DPYD: variants seen among roughly 807,000 people sequenced by gnomAD.
DPYD encodes dihydropyrimidine dehydrogenase.
A neutral mutation model predicts 116.2 loss-of-function variants in DPYD; 109 were observed. The observed-to-expected ratio is 0.94, with a 90% confidence interval of 0.80 to 1.10. The LOEUF (loss-of-function observed/expected upper bound fraction) is 1.10. DPYD is among the 50% of genes least tolerant of loss of function. DPYD has a pLI of 0.00. For synonymous variants in DPYD, 440 were observed against 432.0 expected (o/e 1.02, Z -0.23); for missense variants, 1,302 against 1,254.5 (o/e 1.04, Z -0.57).
chr1:97,748,379 C>A (rs1370402502), intron 3 of DPYD, among the ~76,000 whole-genome samples: 2 of 152,056 alleles, frequency 1.3e-5, no homozygotes, highest in Admixed American at 6.5e-5. Flanking sequence ...GAGGCCACGG[C>A]GGGCGGATCA....
intron 10 of DPYD, among the ~76,000 whole-genome samples, chr1:97,586,471 T>C (rs1317329494): frequency 0.03 from 247 of 8,228 alleles, no homozygotes; most frequent in Middle Eastern, 0.045. Context: ...CATACATATA[T>C]ATATATATAT....
chr1:97,699,566 T>C lies in DPYD; in HGVS notation c.484-19A>G. On this transcript the variant is annotated intron_variant, in intron 5 of 22. Transcript: ENST00000370192. ...TGAATACCTACGGGGAAATCAATTG[T>C]CATGGTTAAAATTTTGAAACTAGCT... The C allele has an allele frequency of 6.2e-7, 1 of 1,612,340 alleles. No homozygotes were observed. The highest frequency in any genetic ancestry group is 1.1e-5 in the South Asian group (1 of 90,988).
chr1:97,520,145 T>C (rs534672456), intron 12 of DPYD, among the ~76,000 whole-genome samples: 1 of 152,232 alleles, frequency 6.6e-6, no homozygotes, highest in South Asian at 2.1e-4. Flanking sequence ...TTTTCATTCA[T>C]TTACTTATTC....
At position 97,721,515 on chromosome 1, in the gene DPYD, T is replaced by C; in HGVS notation, c.478A>G (p.Thr160Ala). The C allele has an allele frequency of 6.2e-7, 1 of 1,611,156 alleles. No homozygotes were observed. The highest frequency in any genetic ancestry group is 8.5e-7 in the Non-Finnish European group (1 of 1,177,994). Reference protein sequence around the residue: ...INIGGLQQFATEVFKAMSIPQ... With the variant: ...INIGGLQQFAAEVFKAMSIPQ... ...CACGTGTATATCATACATACCTCAGTAGCAAATTGCTGCAATCCACCAATA... is the reference window on the plus strand; with the variant it reads ...CACGTGTATATCATACATACCTCAGCAGCAAATTGCTGCAATCCACCAATA... The change falls in exon 5 of 23, where the codon ACT becomes GCT. Residue 160 changes from threonine to alanine, a missense_variant. Coordinates refer to ENST00000370192, the MANE Select transcript of DPYD (RefSeq NM_000110.4).
intron 3 of DPYD, among the ~76,000 whole-genome samples, chr1:97,743,747 G>A (rs192465611): frequency 1.8e-4 from 27 of 152,114 alleles, no homozygotes; most frequent in African/African-American, 5.5e-4. Context: ...AACAATTATC[G>A]TAAACCACAG....
chr1:97,186,464 C>T (rs994529807), intron 20 of DPYD, among the ~76,000 whole-genome samples: 1 of 152,182 alleles, frequency 6.6e-6, no homozygotes, highest in East Asian at 1.9e-4. Flanking sequence ...TTATTCCACA[C>T]TCTATGTGCA....
chr1:97,819,235 T>C (rs576863985), intron 3 of DPYD, among the ~76,000 whole-genome samples: 58 of 151,884 alleles, frequency 3.8e-4, no homozygotes, highest in African/African-American at 1.4e-3. Context: ...TCTCTGCTGA[T>C]TTGGGGAGTA....
chr1:97,557,467 C>T (rs1651830819), intron 11 of DPYD, among the ~76,000 whole-genome samples: 3 of 151,900 alleles, frequency 2.0e-5, no homozygotes, highest in Non-Finnish European at 4.4e-5. Flanking sequence ...AGGCGCTTGT[C>T]ACCACGCACA....
chr1:97,199,389 T>C (rs979228031), intron 19 of DPYD, among the ~76,000 whole-genome samples: 1 of 152,006 alleles, frequency 6.6e-6, no homozygotes, highest in African/African-American at 2.4e-5. Context: ...TCATGAGCAT[T>C]TTTTTCACTT....
At chr1:97,414,690 T>A (rs1283232728) in intron 14 of DPYD, among the ~76,000 whole-genome samples, 1 of 152,244 alleles carries the variant, frequency 6.6e-6, no homozygotes. Context: ...AGAGATTGTA[T>A]TCTTCACTGA....
chr1:97,242,524 A>G (rs1332651066), intron 18 of DPYD, among the ~76,000 whole-genome samples: 1 of 151,612 alleles, frequency 6.6e-6, no homozygotes, highest in Non-Finnish European at 1.5e-5. Flanking sequence ...CACAGGTATC[A>G]TCTCTGGGAA....
rs572471311 is a variant in DPYD at position 97,395,669 on chromosome 1, C to A, written c.1906-13208G>T. On this transcript the variant is annotated intron_variant, in intron 14 of 22. Transcript: ENST00000370192. ...CATGCCACTTCGGAAGGACTCCCAT[C>A]AAGTGGGGGCATTTATCTACCCAAC... is the stretch of plus-strand genomic sequence containing the variant. Among the ~76,000 whole-genome samples, 5 of 152,144 alleles carry A rather than the reference C, an allele frequency of 3.3e-5. No homozygotes were observed. The South Asian group carries it at 1.0e-3, about 32-fold the overall frequency.
At chr1:97,559,047 C>T (rs1651944146) in intron 11 of DPYD, among the ~76,000 whole-genome samples, 1 of 152,082 alleles carries the variant, frequency 6.6e-6, no homozygotes, top group Non-Finnish European at 1.5e-5. Context: ...AATAGATCAT[C>T]CTTTAATCTG....
chr1:97,548,189 G>A (rs1212126800), intron 12 of DPYD, among the ~76,000 whole-genome samples: 1 of 152,034 alleles, frequency 6.6e-6, no homozygotes, highest in African/African-American at 2.4e-5. Flanking sequence ...AGGAAAGAAA[G>A]AATAAAAATT....
At chr1:97,376,314 T>C (rs2101533783) in intron 15 of DPYD, among the ~76,000 whole-genome samples, 1 of 152,328 alleles carries the variant, frequency 6.6e-6, no homozygotes, top group Middle Eastern at 3.4e-3. Flanking sequence ...AACAGCTCAA[T>C]ATCCTTACAG....
At chr1:97,515,648 A>G in intron 13 of DPYD, 78 bp downstream of exon 13, 2 of 1,312,224 alleles carry the variant, frequency 1.5e-6, no homozygotes, top group East Asian at 2.5e-5. Context: ...CTTAGTAAAA[A>G]AAATCCATTA....
intron 20 of DPYD, among the ~76,000 whole-genome samples, chr1:97,103,681 A>T (rs1452268246): frequency 6.6e-6 from 1 of 152,090 alleles, no homozygotes; most frequent in Non-Finnish European, 1.5e-5. Flanking sequence ...AATAATTTAG[A>T]AGTCAAATTT....
At chr1:97,706,297 A>G (rs888383863) in intron 5 of DPYD, among the ~76,000 whole-genome samples, 1 of 152,078 alleles carries the variant, frequency 6.6e-6, no homozygotes, top group Middle Eastern at 3.2e-3. Flanking sequence ...GTTTCCCACC[A>G]TGCTATCCTG....
Position 97,822,426 on chromosome 1 carries a change from T to G in DPYD, c.233+5688A>C, listed in dbSNP as rs183580358. On this transcript the variant is annotated intron_variant, in intron 3 of 22. Transcript: ENST00000370192. ...TATTTATATGTAATATATACATTTA[T>G]ATATATTTATGTTATATACATATAA... Among the ~76,000 whole-genome samples the G allele has an allele frequency of 4.5e-3, 666 of 148,638 alleles. 7 individuals carry two copies. Among genetic ancestry groups the G allele is most frequent in the African/African-American group, 0.016 (635 of 40,920 alleles).
Sources: allele counts gnomAD v4.1 joint callset (sites outside exome capture counted in the v4.1 genomes callset), GRCh38; gene constraint gnomAD v4.1.1; transcripts MANE v1.5; gene names NCBI Gene and HGNC (gene_info 2026-07-23, HGNC 2026-07-21).